The following LRP1B variants were observed in gnomAD, a reference collection of about 807,000 sequenced individuals.
The protein encoded by LRP1B is LDL receptor related protein 1B, also known as low-density lipoprotein receptor-related protein 1B.
In LRP1B, 217 loss-of-function variants were observed where a neutral mutation model predicts 556.6. The observed-to-expected ratio is 0.39, with a 90% confidence interval of 0.35 to 0.44. LRP1B has a LOEUF of 0.44. Among genes scored for constraint, LRP1B ranks in the 20% least tolerant of loss-of-function variants. The pLI, the probability that LRP1B is intolerant of heterozygous loss-of-function variation, is 1.00. For synonymous variants in LRP1B, 2,047 were observed against 1,865.8 expected, an observed-to-expected ratio of 1.10 and a Z score of -2.50; for missense variants, 5,053 against 5,620.8, an observed-to-expected ratio of 0.90 and a Z score of 3.23.
chr2:140,336,309 G>T (rs72894048), intron 77 of LRP1B, among the ~76,000 whole-genome samples: 14,348 of 150,032 alleles, frequency 0.096, 1,122 homozygotes, highest in East Asian at 0.29. Flanking sequence ...AGTAGTATTT[G>T]TTTACTGTTC....
intron 2 of LRP1B, among the ~76,000 whole-genome samples, chr2:141,640,371 C>T (rs1353314471): frequency 6.6e-6 from 1 of 152,164 alleles, no homozygotes; most frequent in Non-Finnish European, 1.5e-5. Flanking sequence ...CTTGCATAAA[C>T]TTTAGGATGC....
At chr2:140,875,874 A>C (rs532098711) in intron 25 of LRP1B, among the ~76,000 whole-genome samples, 1 of 152,246 alleles carries the variant, frequency 6.6e-6, no homozygotes, top group East Asian at 1.9e-4. Context: ...TATCAGTAAT[A>C]ATTATAATTG....
intron 2 of LRP1B, among the ~76,000 whole-genome samples, chr2:141,693,970 A>C (rs1691638329): frequency 6.6e-6 from 1 of 152,078 alleles, no homozygotes; most frequent in South Asian, 2.1e-4. Flanking sequence ...AACACAAACA[A>C]AGTGGACTAG....
chr2:141,252,538 T>C (rs1279022062), intron 4 of LRP1B, among the ~76,000 whole-genome samples: 1 of 152,204 alleles, frequency 6.6e-6, no homozygotes, highest in Non-Finnish European at 1.5e-5. Flanking sequence ...AATTAAGGCT[T>C]GCATTTGGTA....
chr2:141,036,485 T>C (rs1698535682), intron 11 of LRP1B, among the ~76,000 whole-genome samples: 2 of 152,156 alleles, frequency 1.3e-5, no homozygotes, highest in East Asian at 1.9e-4. Context: ...AAGAAGACCT[T>C]CCACCTCCCT....
intron 2 of LRP1B, among the ~76,000 whole-genome samples, chr2:141,761,055 G>C (rs1694527416): frequency 6.6e-6 from 1 of 152,064 alleles, no homozygotes; most frequent in African/African-American, 2.4e-5. Flanking sequence ...CCTGAAATCT[G>C]TAACATGAGC....
At chr2:142,066,704 A>AT (rs1375392784) in intron 1 of LRP1B, among the ~76,000 whole-genome samples, 1 of 151,418 alleles carries the variant, frequency 6.6e-6, no homozygotes, top group Admixed American at 6.6e-5. Flanking sequence ...ACAATCTAGT[A>AT]TTTTTTATCA....
chr2:142,010,574 A>G (rs1013448773), intron 1 of LRP1B, among the ~76,000 whole-genome samples: 2 of 151,010 alleles, frequency 1.3e-5, no homozygotes, highest in South Asian at 2.1e-4. Flanking sequence ...AAAAAAAAAA[A>G]AAAAAGAAAG....
chr2:140,406,570 A>T (rs1684748170), intron 66 of LRP1B, among the ~76,000 whole-genome samples: 1 of 152,124 alleles, frequency 6.6e-6, no homozygotes, highest in Admixed American at 6.5e-5. Flanking sequence ...TGAGAATCAA[A>T]TCAAGAACCC....
chr2:141,661,435 A>T (rs1444138137), intron 2 of LRP1B, among the ~76,000 whole-genome samples: 1 of 152,192 alleles, frequency 6.6e-6, no homozygotes, highest in South Asian at 2.1e-4. Flanking sequence ...AACCATGATA[A>T]AACATTACAG....
intron 35 of LRP1B, among the ~76,000 whole-genome samples, chr2:140,728,064 T>C (rs1687654617): frequency 6.6e-6 from 1 of 152,136 alleles, no homozygotes; most frequent in Admixed American, 6.6e-5. Context: ...TAATGTACAT[T>C]CTCTTTTAAA....
chr2:140,890,619 A>G (rs1366661013), intron 23 of LRP1B, among the ~76,000 whole-genome samples: 1 of 152,086 alleles, frequency 6.6e-6, no homozygotes, highest in Non-Finnish European at 1.5e-5. Context: ...CAAAAATCAA[A>G]GTATAAATTT....
At chr2:140,354,351 G>C (rs1278951817) in intron 75 of LRP1B, among the ~76,000 whole-genome samples, 8 of 152,072 alleles carry the variant, frequency 5.3e-5, no homozygotes, top group Admixed American at 4.6e-4. Flanking sequence ...TTCTGATTTT[G>C]TTGACTTTAC....
chr2:140,775,378 G>C (rs1334288485), intron 33 of LRP1B, among the ~76,000 whole-genome samples: 1 of 150,792 alleles, frequency 6.6e-6, no homozygotes, highest in East Asian at 2.0e-4. Flanking sequence ...AATCATTCTG[G>C]AAAACTTTTC....
Position 140,345,779 on chromosome 2 carries a change from CATAT to C in LRP1B, c.11892+5014_11892+5017del, listed in dbSNP as rs199660188. ...ATATACATATATACACATATATATA[CATAT>C]ATATACACATATATACATATATACA... On this transcript the variant is annotated intron_variant, in intron 77 of 90. Coordinates refer to ENST00000389484, the MANE Select transcript of LRP1B (RefSeq NM_018557.3). Among the ~76,000 whole-genome samples the C allele has an allele frequency of 1.6e-4, 21 of 128,132 alleles. No individual in the cohort carries two copies. In the South Asian group the frequency reaches 3.2e-3, roughly 19 times the overall value. 84.1% of individuals were successfully genotyped at this position (128,132 alleles called of 152,430 possible).
chr2:140,908,057 A>G lies in LRP1B; in HGVS notation c.3340T>C (p.Trp1114Arg). The change falls in exon 22 of 91, where the codon TGG becomes CGG. Residue 1114 changes from tryptophan (W) to arginine (R), a missense_variant. By Grantham distance (101) the Trp-to-Arg change is moderately radical (BLOSUM62 -3). Coordinates refer to ENST00000389484, the MANE Select transcript of LRP1B (RefSeq NM_018557.3). ...CAATCAATATCTCCATCACACACCCATGCTTTGTTGATGCATCTCCCTTAA... is the reference window on the plus strand; with the variant it reads ...CAATCAATATCTCCATCACACACCCGTGCTTTGTTGATGCATCTCCCTTAA... ...WSTGRCINKA[W>R]VCDGDIDCED... 2.5e-6 allele frequency: 4 copies of G among 1,613,096 alleles called. No individual in the cohort carries two copies. The East Asian group carries it at 6.7e-5, about 27-fold the overall frequency.
At chr2:140,310,810 A>G (rs1684264984) in intron 83 of LRP1B, among the ~76,000 whole-genome samples, 1 of 151,910 alleles carries the variant, frequency 6.6e-6, no homozygotes, top group Non-Finnish European at 1.5e-5. Context: ...AAGAAAACCT[A>G]GGAAAAACTT....
intron 41 of LRP1B, among the ~76,000 whole-genome samples, chr2:140,688,143 T>C (rs1005672641): frequency 6.6e-6 from 1 of 151,888 alleles, no homozygotes; most frequent in African/African-American, 2.4e-5. Flanking sequence ...AATCAGCCAA[T>C]TGTTTTTTTA....
In LRP1B at chr2:140,671,519, T is replaced by TCAAA. The variant is rs144298335; in HGVS notation, c.6799+28727_6799+28730dup. 0.011 allele frequency among the ~76,000 whole-genome samples: 1,716 copies of TCAAA among 152,186 alleles called. 75 individuals are homozygous for TCAAA. The East Asian group carries it at 0.15, about 14-fold the overall frequency. On this transcript the variant is annotated intron_variant, in intron 41 of 90. Coordinates refer to ENST00000389484, the MANE Select transcript of LRP1B (RefSeq NM_018557.3). The stretch of plus-strand genomic sequence containing the variant: ...CTGGGCAACAGAGCGAGACTCCATC[T>TCAAA]CAAACAAACAAACAAACAAAAAACA...
Sources: gnomAD v4.1 joint callset for allele counts (sites outside exome capture counted in the v4.1 genomes callset) on GRCh38, gnomAD v4.1.1 for gene constraint, MANE v1.5 for transcripts, NCBI Gene and HGNC (gene_info 2026-07-23, HGNC 2026-07-21) for gene names.